ITPR2: variants seen among roughly 807,000 people sequenced by gnomAD.
The protein encoded by ITPR2 is inositol 1,4,5-trisphosphate-gated calcium channel ITPR2.
ITPR2 carries 207 observed loss-of-function variants against 317.1 expected under a neutral mutation model. The ratio of observed to expected loss-of-function variants is 0.65; its 90% CI spans 0.58 to 0.73. The LOEUF is 0.73. ITPR2 is among the 30% of genes least tolerant of loss of function. The pLI is 0.00. For missense variants in ITPR2, 2,613 were observed against 3,284.0 expected (o/e 0.80, Z 4.99); for synonymous variants, 1,156 against 1,149.1 (o/e 1.01, Z -0.12).
At chr12:26,538,811 G>A (rs1311074007) in intron 37 of ITPR2, among the ~76,000 whole-genome samples, 4 of 152,100 alleles carry the variant, frequency 2.6e-5, no homozygotes, top group Non-Finnish European at 5.9e-5. Flanking sequence ...TCCTGACCTC[G>A]TGATCCGCCT....
chr12:26,754,297 A>G (rs1264707306), intron 2 of ITPR2, among the ~76,000 whole-genome samples: 4 of 152,136 alleles, frequency 2.6e-5, no homozygotes, highest in Admixed American at 1.3e-4. Flanking sequence ...AAACTGTTCA[A>G]TTGATTTTGG....
intron 1 of ITPR2, among the ~76,000 whole-genome samples, chr12:26,804,569 A>C (rs1950610550): frequency 3.3e-5 from 5 of 152,158 alleles, no homozygotes; most frequent in African/African-American, 1.2e-4. Context: ...GGCTGAAAAG[A>C]GCTACATCTG....
chr12:26,729,161 G>A (rs1312093782), intron 2 of ITPR2, among the ~76,000 whole-genome samples: 5 of 152,080 alleles, frequency 3.3e-5, no homozygotes, highest in African/African-American at 1.2e-4. Context: ...GACATGAACA[G>A]ACACTTTTCA....
intron 55 of ITPR2, among the ~76,000 whole-genome samples, chr12:26,343,108 G>T (rs1938190306): frequency 2.0e-5 from 3 of 152,132 alleles, no homozygotes; most frequent in Admixed American, 2.0e-4. Context: ...CACGCTTCTT[G>T]TGTAGCTTTC....
At chr12:26,480,508 C>T (rs148490476) in intron 43 of ITPR2, among the ~76,000 whole-genome samples, 2 of 152,208 alleles carry the variant, frequency 1.3e-5, no homozygotes, top group Non-Finnish European at 2.9e-5. Context: ...TTTAAAAATA[C>T]ATCAGCACCT....
chr12:26,356,364 G>T lies in ITPR2; in HGVS notation c.7858-16036C>A, dbSNP rs182472872. 4.7e-4 allele frequency among the ~76,000 whole-genome samples: 72 copies of T among 152,314 alleles called. 1 individual carries two copies. The highest frequency in any genetic ancestry group is 1.7e-3 in the African/African-American group (70 of 41,572). ...GAAGAAATGAAGTAATGCCAAGTAG[G>T]GTGAGCATAAGAAACTTAAAATGAT... is the stretch of plus-strand genomic sequence containing the variant. On this transcript the variant is annotated intron_variant, in intron 55 of 56. Coordinates refer to ENST00000381340, the MANE Select transcript of ITPR2 (RefSeq NM_002223.4).
intron 36 of ITPR2, among the ~76,000 whole-genome samples, chr12:26,554,386 C>G (rs1362267971): frequency 5.9e-5 from 9 of 152,168 alleles, no homozygotes; most frequent in African/African-American, 2.2e-4. Flanking sequence ...CATACTGGCA[C>G]CCTAGTTCTC....
intron 21 of ITPR2, among the ~76,000 whole-genome samples, chr12:26,652,006 A>G (rs990444540): frequency 6.6e-6 from 1 of 152,096 alleles, no homozygotes; most frequent in Non-Finnish European, 1.5e-5. Context: ...TCCCTGTGCT[A>G]TTTCAAGTCC....
At chr12:26,748,485 A>G (rs1949362677) in intron 2 of ITPR2, among the ~76,000 whole-genome samples, 1 of 152,232 alleles carries the variant, frequency 6.6e-6, no homozygotes, top group Non-Finnish European at 1.5e-5. Context: ...TAAAAACTAC[A>G]ATTATGTTTG....
chr12:26,691,936 T>C (rs11834048), intron 10 of ITPR2, among the ~76,000 whole-genome samples: 2,742 of 152,122 alleles, frequency 0.018, 84 homozygotes, highest in African/African-American at 0.063. Flanking sequence ...CAGCTGCAAA[T>C]ACTTCTCTTG....
chr12:26,352,501 C>T (rs1320298364), intron 55 of ITPR2, among the ~76,000 whole-genome samples: 4 of 152,184 alleles, frequency 2.6e-5, no homozygotes, highest in South Asian at 2.1e-4. Flanking sequence ...CCTAAGATAA[C>T]GAGAGTCAGT....
chr12:26,810,923 C>A (rs1016217353), intron 1 of ITPR2, among the ~76,000 whole-genome samples: 2 of 151,884 alleles, frequency 1.3e-5, no homozygotes, highest in African/African-American at 4.8e-5. Context: ...GCCTCAGCCT[C>A]CCAAAATGCT....
chr12:26,793,886 A>C (rs1202220977), intron 1 of ITPR2, among the ~76,000 whole-genome samples: 1 of 152,212 alleles, frequency 6.6e-6, no homozygotes, highest in Non-Finnish European at 1.5e-5. Flanking sequence ...CCTGCCCTAA[A>C]AAACAATATC....
intron 1 of ITPR2, 116 bp downstream of exon 1, chr12:26,832,574 C>A: frequency 1.4e-6 from 1 of 696,822 alleles, no homozygotes; most frequent in East Asian, 3.4e-5. Flanking sequence ...GGCGCCGACC[C>A]TGCCCGGCCG....
intron 52 of ITPR2, among the ~76,000 whole-genome samples, chr12:26,410,946 C>T (rs1029828950): frequency 1.3e-5 from 2 of 152,132 alleles, no homozygotes; most frequent in African/African-American, 4.8e-5. Context: ...ACTGTCAAGT[C>T]CAGGATTATT....
chr12:26,653,667 C>T (rs1230953317), intron 21 of ITPR2, among the ~76,000 whole-genome samples: 2 of 152,224 alleles, frequency 1.3e-5, no homozygotes, highest in Non-Finnish European at 2.9e-5. Context: ...GCTTGAACCA[C>T]ATGACCACAA....
intron 1 of ITPR2, among the ~76,000 whole-genome samples, chr12:26,813,967 G>A (rs573419782): frequency 4.6e-5 from 7 of 152,126 alleles, no homozygotes; most frequent in Non-Finnish European, 1.0e-4. Context: ...TCCTTCCTCT[G>A]GCAACAGAGC....
rs756262425 is a variant in ITPR2, at chr12:26,561,741, C to T, written c.4821+21G>A. ...AAATATAATTTAGAAAATATTAATG[C>T]TATTTCACGCTTTCATGTACCTGTA... On this transcript the variant is annotated intron_variant, in intron 35 of 56. Coordinates refer to ENST00000381340, the MANE Select transcript of ITPR2 (RefSeq NM_002223.4). The T allele has an allele frequency of 7.3e-6, 11 of 1,508,186 alleles. No homozygotes were observed. In the East Asian group the frequency reaches 7.4e-5, roughly 10 times the overall value. The allele number at this position is 1,508,186 out of a possible 1,614,324, so 93.4% of individuals were successfully genotyped here.
chr12:26,784,319 G>GCCTCTCCCTCTCCCTCTC (rs1190707647), intron 2 of ITPR2, among the ~76,000 whole-genome samples: 1 of 31,720 alleles, frequency 3.2e-5, no homozygotes, highest in Non-Finnish European at 5.5e-5. Flanking sequence ...CTCTCCCTCT[G>GCCTCTCCCTCTCCCTCTC]CCTCTCCCTC....
Sources: gnomAD v4.1 joint callset for allele counts (sites outside exome capture counted in the v4.1 genomes callset) on GRCh38, gnomAD v4.1.1 for gene constraint, MANE v1.5 for transcripts, NCBI Gene and HGNC (gene_info 2026-07-23, HGNC 2026-07-21) for gene names.